THSD4: variants seen among roughly 807,000 people sequenced by gnomAD.
THSD4 encodes thrombospondin type 1 domain containing 4, also known as thrombospondin type-1 domain-containing protein 4.
THSD4 carries 69 observed loss-of-function variants against 119.0 expected under a neutral mutation model. That is an observed-to-expected ratio of 0.58 (90% CI 0.48 to 0.71). The LOEUF is 0.71. THSD4 is among the 30% of genes least tolerant of loss of function. The pLI is 0.00. For missense variants in THSD4, 1,393 were observed against 1,391.1 expected, an observed-to-expected ratio of 1.00 and a Z score of -0.02; for synonymous variants, 524 against 540.4, an observed-to-expected ratio of 0.97 and a Z score of 0.42.
At chr15:71,195,556 C>A (rs890511228) in intron 3 of THSD4, among the ~76,000 whole-genome samples, 3 of 152,098 alleles carry the variant, frequency 2.0e-5, no homozygotes, top group Non-Finnish European at 4.4e-5. Flanking sequence ...AGGGGAGGGC[C>A]AATAACAAGT....
Position 71,582,201 on chromosome 15 carries a change from A to C in THSD4, c.1153-78329A>C, listed in dbSNP as rs533269956. 2.4e-4 allele frequency among the ~76,000 whole-genome samples: 36 copies of C among 152,132 alleles called. No individual in the cohort carries two copies. The South Asian group carries it at 7.5e-3, about 32-fold the overall frequency. On this transcript the variant is annotated intron_variant, in intron 7 of 17. Coordinates refer to ENST00000261862, the MANE Select transcript of THSD4 (RefSeq NM_024817.3). Reference sequence around the variant, plus strand: ...ATGTTTTATAGTTTTCAGTGTACAGATCTTTTACCTCCTTAGTTAAGTTTA... The same window carrying C: ...ATGTTTTATAGTTTTCAGTGTACAGCTCTTTTACCTCCTTAGTTAAGTTTA...
At chr15:71,672,251 G>A (rs2051547034) in intron 8 of THSD4, among the ~76,000 whole-genome samples, 1 of 152,152 alleles carries the variant, frequency 6.6e-6, no homozygotes, top group African/African-American at 2.4e-5. Flanking sequence ...TGAAGCAATT[G>A]TGAATGGGAG....
At chr15:71,491,457 C>G (rs548790116) in intron 7 of THSD4, among the ~76,000 whole-genome samples, 1 of 152,286 alleles carries the variant, frequency 6.6e-6, no homozygotes, top group South Asian at 2.1e-4. Context: ...GCACGCTCAG[C>G]CCCCTCACCA....
intron 7 of THSD4, among the ~76,000 whole-genome samples, chr15:71,639,254 T>C (rs183348873): frequency 6.6e-6 from 1 of 152,330 alleles, no homozygotes; most frequent in African/African-American, 2.4e-5. Flanking sequence ...ATGAGTACTT[T>C]CATCAATTTG....
intron 1 of THSD4, among the ~76,000 whole-genome samples, chr15:71,138,970 T>C (rs2040576660): frequency 7.1e-6 from 1 of 140,828 alleles, no homozygotes; most frequent in Admixed American, 6.8e-5. Context: ...ACAAACAGTA[T>C]CCCTCCCCCC....
At chr15:71,544,965 A>G (rs2048814803) in intron 7 of THSD4, among the ~76,000 whole-genome samples, 1 of 152,214 alleles carries the variant, frequency 6.6e-6, no homozygotes, top group South Asian at 2.1e-4. Flanking sequence ...AGGAAAACTC[A>G]TGGAGACAGA....
At chr15:71,187,548 C>T (rs1385947303) in intron 3 of THSD4, 1 of 152,632 alleles carries the variant, frequency 6.6e-6, no homozygotes, top group Non-Finnish European at 1.5e-5. Context: ...CTCATTCTCT[C>T]TGAGAAACTT....
chr15:71,645,567 T>G (rs2050952402), intron 7 of THSD4, among the ~76,000 whole-genome samples: 1 of 152,174 alleles, frequency 6.6e-6, no homozygotes, highest in East Asian at 1.9e-4. Context: ...TACCATGGTT[T>G]TAGATTCCCT....
At chr15:71,421,346 A>ACGC (rs879835009) in intron 7 of THSD4, among the ~76,000 whole-genome samples, 6 of 106,518 alleles carry the variant, frequency 5.6e-5, no homozygotes, top group African/African-American at 2.0e-4. Flanking sequence ...TTCTTGTAGG[A>ACGC]TAGGGCTTGT....
At chr15:71,729,049 C>G (rs2052922469) in intron 9 of THSD4, 1 of 342,758 alleles carries the variant, frequency 2.9e-6, no homozygotes, top group Non-Finnish European at 5.6e-6. Context: ...CCTCCAGGCA[C>G]TTTCCTTATA....
chr15:71,251,342 A>G (rs1382442370), intron 5 of THSD4, among the ~76,000 whole-genome samples: 7 of 152,298 alleles, frequency 4.6e-5, no homozygotes, highest in Admixed American at 2.6e-4. Flanking sequence ...CACTTCAGCA[A>G]ACATTTATTC....
At chr15:71,321,426 C>G (rs1280413073) in intron 6 of THSD4, among the ~76,000 whole-genome samples, 1 of 152,124 alleles carries the variant, frequency 6.6e-6, no homozygotes, top group African/African-American at 2.4e-5. Context: ...ATTTCAGCTA[C>G]TCAGGAGGCT....
intron 3 of THSD4, among the ~76,000 whole-genome samples, chr15:71,185,048 A>G (rs1435889595): frequency 6.6e-6 from 1 of 151,678 alleles, no homozygotes; most frequent in African/African-American, 2.4e-5. Context: ...AATTGCATCA[A>G]AACCTTTGAG....
At chr15:71,146,986 C>T (rs1456264454) in intron 2 of THSD4, among the ~76,000 whole-genome samples, 1 of 152,182 alleles carries the variant, frequency 6.6e-6, no homozygotes, top group Non-Finnish European at 1.5e-5. Flanking sequence ...GCCAATTACC[C>T]ATTCCTTATA....
At chr15:71,524,093 C>G (rs779464424) in intron 7 of THSD4, among the ~76,000 whole-genome samples, 6 of 152,232 alleles carry the variant, frequency 3.9e-5, no homozygotes, top group Non-Finnish European at 8.8e-5. Context: ...GTCCACACAC[C>G]TCTGAAAAAT....
At chr15:71,267,326 A>C (rs1004135094) in intron 6 of THSD4, among the ~76,000 whole-genome samples, 2 of 152,206 alleles carry the variant, frequency 1.3e-5, no homozygotes, top group African/African-American at 2.4e-5. Context: ...TAAAGAAAAG[A>C]ATTTTCAATC....
At chr15:71,770,368 A>G (rs903366330) in intron 16 of THSD4, among the ~76,000 whole-genome samples, 7 of 124,390 alleles carry the variant, frequency 5.6e-5, no homozygotes, top group South Asian at 2.4e-4. Context: ...AAAAAAAAAA[A>G]TCTTGGCTGG....
chr15:71,413,489 A>G (rs926028903), intron 7 of THSD4, among the ~76,000 whole-genome samples: 2 of 151,658 alleles, frequency 1.3e-5, no homozygotes, highest in African/African-American at 2.4e-5. Flanking sequence ...CCGGCATTTC[A>G]CTCTCAGTCT....
Position 71,589,720 on chromosome 15 carries a change from C to T in THSD4, c.1153-70810C>T, listed in dbSNP as rs919322070. Among the ~76,000 whole-genome samples, 9 of 139,352 alleles carry T rather than the reference C, an allele frequency of 6.5e-5. 2 individuals carry two copies. The highest frequency in any genetic ancestry group is 2.3e-4 in the African/African-American group (9 of 39,820). The allele number at this position is 139,352 out of a possible 152,430, so 91.4% of individuals were successfully genotyped here. ...TTGAAAAATACTACCCAGAAAATCC[C>T]TTGTACATGTGTGCACAGAGACGAG... is the stretch of plus-strand genomic sequence containing the variant. On this transcript the variant is annotated intron_variant, in intron 7 of 17. Coordinates refer to ENST00000261862, the MANE Select transcript of THSD4 (RefSeq NM_024817.3).
Sources: allele counts gnomAD v4.1 joint callset (sites outside exome capture counted in the v4.1 genomes callset), GRCh38; gene constraint gnomAD v4.1.1; transcripts MANE v1.5; gene names NCBI Gene and HGNC (gene_info 2026-07-23, HGNC 2026-07-21).